The following NAA60 variants were observed in gnomAD, a reference collection of about 807,000 sequenced individuals.
NAA60 encodes N-alpha-acetyltransferase 60.
A neutral mutation model predicts 26.1 loss-of-function variants in NAA60; 8 were observed. The observed-to-expected ratio is 0.31, with a 90% CI of 0.18 to 0.55. The LOEUF (loss-of-function observed/expected upper bound fraction) is 0.55, where lower values mean the gene tolerates loss of function less well. Among genes scored for constraint, NAA60 ranks in the 20% least tolerant of loss-of-function variants. The pLI, the probability that NAA60 is intolerant of heterozygous loss-of-function variation, is 0.93. For missense variants in NAA60, 290 were observed against 311.3 expected, an observed-to-expected ratio of 0.93 and a Z score of 0.51; for synonymous variants, 131 against 122.5, an observed-to-expected ratio of 1.07 and a Z score of -0.46.
chr16:3,482,686 T>A (rs900908495), intron 5 of NAA60, 88 bp downstream of exon 5: 2 of 825,056 alleles, frequency 2.4e-6, no homozygotes, highest in Non-Finnish European at 3.6e-6. Context: ...GTCTCTTCCC[T>A]GGCCCCAACA....
At chr16:3,458,475 C>T (rs185726157) in intron 2 of NAA60, among the ~76,000 whole-genome samples, 5 of 152,216 alleles carry the variant, frequency 3.3e-5, no homozygotes, top group African/African-American at 1.2e-4. Context: ...CAGTGTCCGA[C>T]CCCGCGATGA....
intron 2 of NAA60, among the ~76,000 whole-genome samples, chr16:3,458,930 C>A (rs2035192222): frequency 6.6e-6 from 1 of 152,112 alleles, no homozygotes; most frequent in African/African-American, 2.4e-5. Context: ...GACGACCACC[C>A]ACAAATCTGT....
At chr16:3,459,072 C>T (rs1482563037) in intron 2 of NAA60, among the ~76,000 whole-genome samples, 2 of 152,194 alleles carry the variant, frequency 1.3e-5, no homozygotes, top group Non-Finnish European at 2.9e-5. Context: ...TTTTGTGTCA[C>T]TCATTTATCT....
chr16:3,482,551 A>G lies in NAA60; in HGVS notation c.290A>G (p.Tyr97Cys), dbSNP rs764750719. The change falls in exon 5 of 8, where the codon TAC becomes TGC. Residue 97 changes from tyrosine (Y) to cysteine (C), a missense_variant. Physicochemically the swap from Tyr to Cys is radical, Grantham distance 194. Transcript: ENST00000407558. ...TTCTCTGTTGACACACAAGTCGCGT[A>G]CATCCTAAGTCTGGGCGTCGTGAAA... ...SNFSVDTQVA[Y>C]ILSLGVVKEF... 1 of 1,609,782 alleles carries G rather than the reference A, an allele frequency of 6.2e-7. No homozygotes were observed. Among genetic ancestry groups the G allele is most frequent in the Admixed American group, 1.7e-5 (1 of 59,504 alleles).
Position 3,479,508 on chromosome 16 carries a change from A to G in NAA60, c.148A>G (p.Lys50Glu), listed in dbSNP as rs373265778. The G allele has an allele frequency of 8.0e-5, 129 of 1,613,958 alleles. No homozygotes were observed. Among genetic ancestry groups the G allele is most frequent in the Non-Finnish European group, 1.0e-4 (119 of 1,179,904 alleles). The change falls in exon 4 of 8, where the codon AAG becomes GAG. Residue 50 changes from lysine to glutamate, a missense_variant. Physicochemically the swap from Lys to Glu is moderately conservative, Grantham distance 56 (BLOSUM62 1). Coordinates refer to ENST00000407558, the MANE Select transcript of NAA60 (RefSeq NM_001083601.3). ...DSWYRDITSN[K>E]KFFSLAATYR... ...ATGGTATCGTGATATCACATCCAAC[A>G]AGAAGTTCTTTTCCCTTGCTGCAAC...
At chr16:3,460,136 C>G (rs2035285632) in intron 2 of NAA60, among the ~76,000 whole-genome samples, 1 of 152,130 alleles carries the variant, frequency 6.6e-6, no homozygotes, top group African/African-American at 2.4e-5. Flanking sequence ...GGCTTCAGCC[C>G]TCTGAGTTAG....
At chr16:3,452,462 C>T in intron 2 of NAA60, among the ~76,000 whole-genome samples, 1 of 151,696 alleles carries the variant, frequency 6.6e-6, no homozygotes, top group East Asian at 1.9e-4. Context: ...CAAGACCAGC[C>T]TGGGCAACAT....
chr16:3,469,949 G>A (rs1390078835), intron 2 of NAA60, among the ~76,000 whole-genome samples: 1 of 152,204 alleles, frequency 6.6e-6, no homozygotes, highest in African/African-American at 2.4e-5. Flanking sequence ...CACCATCACT[G>A]TGCTCAAGGA....
rs74325244 is a variant in NAA60, at chr16:3,463,194, C to T, written c.-6-13028C>T. Among the ~76,000 whole-genome samples, 774 of 152,208 alleles carry T rather than the reference C, an allele frequency of 5.1e-3. 7 individuals carry two copies. The highest frequency in any genetic ancestry group is 0.017 in the African/African-American group (694 of 41,536). On this transcript the variant is annotated intron_variant, in intron 2 of 7. Coordinates refer to ENST00000407558, the MANE Select transcript of NAA60 (RefSeq NM_001083601.3). ...ACACTACTCATAATTTGAAAACACA[C>T]TATTAAATACCCAAGCTGTTGCTAA...
chr16:3,449,903 C>T (rs917122760), intron 2 of NAA60: 4 of 391,962 alleles, frequency 1.0e-5, no homozygotes, highest in Non-Finnish European at 1.8e-5. Context: ...CTTTTACCTT[C>T]CACCGTAATT....
chr16:3,481,508 G>A, intron 4 of NAA60, among the ~76,000 whole-genome samples: 1 of 152,118 alleles, frequency 6.6e-6, no homozygotes, highest in South Asian at 2.1e-4. Flanking sequence ...CTGCCCCCAG[G>A]TGGCGGCTGG....
chr16:3,485,403 G>T, intron 7 of NAA60, 64 bp from the exon 8 acceptor site: 1 of 464,456 alleles, frequency 2.2e-6, no homozygotes, highest in Non-Finnish European at 4.3e-6. Context: ...CATAGGCAGG[G>T]TGTGGGGTGG....
intron 1 of NAA60, among the ~76,000 whole-genome samples, chr16:3,447,275 C>G (rs1211209525): frequency 6.6e-6 from 1 of 152,114 alleles, no homozygotes; most frequent in African/African-American, 2.4e-5. Flanking sequence ...CTTTTGAAGA[C>G]TATGCGTTAA....
In NAA60 at chr16:3,472,584, C is replaced by T. The variant is rs148748222; in HGVS notation, c.-6-3638C>T. On this transcript the variant is annotated intron_variant, in intron 2 of 7. Coordinates refer to ENST00000407558, the MANE Select transcript of NAA60 (RefSeq NM_001083601.3). ...AGTAACTGGGATTACAGGTGCCTGC[C>T]ACTGCGCCCAGCTAATTTTTTTGTA... 3.7e-3 allele frequency among the ~76,000 whole-genome samples: 565 copies of T among 152,218 alleles called. 5 individuals carry two copies. The highest frequency in any genetic ancestry group is 0.012 in the African/African-American group (513 of 41,530).
At chr16:3,446,462 C>G (rs371102942) in intron 1 of NAA60, among the ~76,000 whole-genome samples, 1 of 140,368 alleles carries the variant, frequency 7.1e-6, no homozygotes, top group East Asian at 2.2e-4. Context: ...ACCTGGGAGG[C>G]GGAGCTTGCA....
chr16:3,464,495 C>T (rs2035612617), intron 2 of NAA60, among the ~76,000 whole-genome samples: 1 of 152,164 alleles, frequency 6.6e-6, no homozygotes, highest in Non-Finnish European at 1.5e-5. Flanking sequence ...TGGGCTTTCT[C>T]CTTTTAAACT....
At chr16:3,469,828 A>G (rs2036011493) in intron 2 of NAA60, among the ~76,000 whole-genome samples, 1 of 152,192 alleles carries the variant, frequency 6.6e-6, no homozygotes, top group South Asian at 2.1e-4. Context: ...GGCTTTGTTC[A>G]CACAGGTGTT....
At chr16:3,483,851 C>A (rs941650202) in intron 6 of NAA60, 6 of 510,748 alleles carry the variant, frequency 1.2e-5, no homozygotes, top group African/African-American at 1.2e-4. Flanking sequence ...CCGCAGCCTC[C>A]CAAATTACTG....
At chr16:3,482,897 G>A (rs2036934995) in intron 5 of NAA60, 4 of 523,466 alleles carry the variant, frequency 7.6e-6, no homozygotes, top group East Asian at 3.3e-5. Context: ...TTCTGCTGCC[G>A]CCACACGCAC....
Sources: gnomAD v4.1 joint callset for allele counts (sites outside exome capture counted in the v4.1 genomes callset) on GRCh38, gnomAD v4.1.1 for gene constraint, MANE v1.5 for transcripts, NCBI Gene and HGNC (gene_info 2026-07-23, HGNC 2026-07-21) for gene names.